The following CACNA1B variants were observed in gnomAD, a reference collection of about 807,000 sequenced individuals.
The protein encoded by CACNA1B is calcium voltage-gated channel subunit alpha1 B.
A neutral mutation model predicts 247.2 loss-of-function variants in CACNA1B; 70 were observed. The ratio of observed to expected loss-of-function variants is 0.28; its 90% CI spans 0.23 to 0.35. The LOEUF (loss-of-function observed/expected upper bound fraction) is 0.35. CACNA1B is among the 10% of genes least tolerant of loss of function. The pLI, the probability that CACNA1B is intolerant of heterozygous loss-of-function variation, is 1.00. For synonymous variants in CACNA1B, 1,231 were observed against 1,294.4 expected (o/e 0.95, Z 1.05); for missense variants, 2,367 against 3,197.4 (o/e 0.74, Z 6.26).
chr9:137,878,638 A>G (rs910847294), intron 1 of CACNA1B, among the ~76,000 whole-genome samples: 1 of 152,080 alleles, frequency 6.6e-6, no homozygotes, highest in African/African-American at 2.4e-5. Context: ...GATGCGGGCT[A>G]CATGCATGTT....
chr9:137,979,929 A>G (rs1403007860), intron 12 of CACNA1B, among the ~76,000 whole-genome samples: 1 of 152,240 alleles, frequency 6.6e-6, no homozygotes, highest in Non-Finnish European at 1.5e-5. Flanking sequence ...AAGCTGAGCC[A>G]CTGGTCCATA....
intron 6 of CACNA1B, among the ~76,000 whole-genome samples, chr9:137,924,591 T>C (rs1957529849): frequency 6.6e-6 from 1 of 152,238 alleles, no homozygotes; most frequent in Non-Finnish European, 1.5e-5. Context: ...CAGGTTAGAC[T>C]GATTCTTTCC....
At chr9:138,117,055 A>C (rs1034637204) in intron 42 of CACNA1B, among the ~76,000 whole-genome samples, 1 of 152,220 alleles carries the variant, frequency 6.6e-6, no homozygotes, top group African/African-American at 2.4e-5. Context: ...GTGCCACTCA[A>C]CCTGCATGAC....
chr9:138,023,346 G>T lies in CACNA1B; in HGVS notation c.2603G>T (p.Arg868Leu), dbSNP rs1958874199. Residue 868 changes from arginine to leucine, a missense_variant, in exon 19 of 47, where the codon CGA (arginine) becomes CTA (leucine). Physicochemically the swap from Arg to Leu is moderately radical, Grantham distance 102. Transcript: ENST00000371372. ...DKTPAAGDQD[R>L]AEAPKAESGE... ...ACCCCCGCGGCGGGGGACCAGGACC[G>T]AGCAGAGGCCCCGAAGGCGGAGAGC... 8 of 1,448,976 alleles carry T rather than the reference G, an allele frequency of 5.5e-6. No individual in the cohort carries two copies. The highest frequency in any genetic ancestry group is 7.2e-6 in the Non-Finnish European group (8 of 1,109,850). 89.8% of individuals were successfully genotyped at this position (1,448,976 alleles called of 1,614,324 possible). A position where few individuals can be genotyped will look rare whatever the true frequency, so the allele number is the denominator to read the frequency against.
At chr9:137,902,361 C>T (rs1316558940) in intron 3 of CACNA1B, among the ~76,000 whole-genome samples, 1 of 152,168 alleles carries the variant, frequency 6.6e-6, no homozygotes, top group Non-Finnish European at 1.5e-5. Context: ...AACACCCCTC[C>T]TCTCCAAGGC....
At chr9:137,985,284 C>T (rs930370882) in intron 13 of CACNA1B, among the ~76,000 whole-genome samples, 12 of 152,208 alleles carry the variant, frequency 7.9e-5, no homozygotes, top group African/African-American at 2.4e-4. Context: ...AGTTGAGTCC[C>T]GCTGGGTCCA....
rs2133423368 is a variant in CACNA1B, at chr9:138,013,271, G to T, written c.2267+36G>T. 5 of 1,487,480 alleles carry T rather than the reference G, an allele frequency of 3.4e-6. No individual in the cohort carries two copies. The Middle Eastern group carries it at 6.7e-4, about 199-fold the overall frequency. The allele number at this position is 1,487,480 out of a possible 1,614,324, so 92.1% of individuals were successfully genotyped here. A position where few individuals can be genotyped will look rare whatever the true frequency, so the allele number is the denominator to read the frequency against. On this transcript the variant is annotated intron_variant, in intron 18 of 46. Transcript: ENST00000371372. ...TAGGAGTGGATTGTGGGGTGGCAGT[G>T]GGGCTGCTGCAGGGTCCCATGGCTG...
chr9:138,021,222 A>G (rs1208564041), intron 18 of CACNA1B, among the ~76,000 whole-genome samples: 1 of 152,180 alleles, frequency 6.6e-6, no homozygotes, highest in Non-Finnish European at 1.5e-5. Context: ...CAGGGGCAGC[A>G]CAGTTTAAAT....
intron 15 of CACNA1B, among the ~76,000 whole-genome samples, chr9:137,992,318 C>T (rs1377049496): frequency 3.3e-5 from 5 of 152,096 alleles, no homozygotes; most frequent in Non-Finnish European, 7.4e-5. Flanking sequence ...GACTTTAGAG[C>T]AACAGCACTT....
intron 3 of CACNA1B, chr9:137,892,564 C>T (rs984844352): frequency 8.3e-6 from 3 of 360,686 alleles, no homozygotes; most frequent in South Asian, 6.2e-5. Context: ...GACAACACAG[C>T]TGCACTGGAG....
intron 10 of CACNA1B, among the ~76,000 whole-genome samples, chr9:137,968,710 A>AT (rs1958110647): frequency 6.6e-6 from 1 of 152,190 alleles, no homozygotes; most frequent in African/African-American, 2.4e-5. Flanking sequence ...ATTTGTACAC[A>AT]TTTTTTGAAC....
At chr9:138,094,451 A>G (rs1170708543) in intron 36 of CACNA1B, among the ~76,000 whole-genome samples, 1 of 145,070 alleles carries the variant, frequency 6.9e-6, no homozygotes, top group South Asian at 2.3e-4. Context: ...GTAAAAAAAA[A>G]AAAAAAAAGA....
Position 137,988,161 on chromosome 9 carries a change from A to G in CACNA1B, c.1974+1307A>G, listed in dbSNP as rs562245312. ...CAGGACCTATGTCAGCCTCTGGGAC[A>G]GAGGTGGGTGGTCTCCCAGCCACAC... On this transcript the variant is annotated intron_variant, in intron 15 of 46. Transcript: ENST00000371372. Among the ~76,000 whole-genome samples the G allele has an allele frequency of 2.6e-4, 40 of 152,322 alleles. No individual in the cohort carries two copies. The South Asian group carries it at 8.1e-3, about 31-fold the overall frequency.
At chr9:138,086,417 T>A (rs1363432498) in intron 36 of CACNA1B, among the ~76,000 whole-genome samples, 1 of 151,104 alleles carries the variant, frequency 6.6e-6, no homozygotes, top group Non-Finnish European at 1.5e-5. Flanking sequence ...CCCAGCAACT[T>A]GGGAGGCTGA....
chr9:138,117,862 C>A (rs949884945), intron 42 of CACNA1B, 84 bp from the exon 43 acceptor site: 11 of 1,109,680 alleles, frequency 9.9e-6, no homozygotes, highest in Non-Finnish European at 1.4e-5. Context: ...GTTGGAGACG[C>A]CTGGCAGGTT....
rs1958184843 is a variant in CACNA1B, at chr9:137,973,788, G to A, written c.1544-2119G>A. On this transcript the variant is annotated intron_variant, in intron 11 of 46. Transcript: ENST00000371372. This position sits in a 1 kb window ranked among gnomAD's most constrained non-coding sequence, Gnocchi z 4.1. ...GCCTCAGAGTGGAGGCTGAGTATGT[G>A]AGGCTGAGGGCCTCTGTTCCTAGGG... is the stretch of plus-strand genomic sequence containing the variant. Among the ~76,000 whole-genome samples, 1 of 152,192 alleles carries A rather than the reference G, an allele frequency of 6.6e-6. No individual in the cohort carries two copies.
intron 10 of CACNA1B, among the ~76,000 whole-genome samples, chr9:137,964,505 T>C (rs1197311842): frequency 6.6e-6 from 1 of 152,220 alleles, no homozygotes; most frequent in Non-Finnish European, 1.5e-5. Flanking sequence ...TGTGATTGCA[T>C]TGTGAAGTTC....
chr9:138,078,844 G>A (rs888023264), intron 36 of CACNA1B, among the ~76,000 whole-genome samples: 15 of 152,186 alleles, frequency 9.9e-5, no homozygotes, highest in Non-Finnish European at 1.6e-4. Context: ...GAGCTGGCAC[G>A]ATTGATGATG....
rs571466425 is a variant in CACNA1B at position 138,012,585 on chromosome 9, G to C, written c.2161-544G>C. On this transcript the variant is annotated intron_variant, in intron 17 of 46. Transcript: ENST00000371372. The surrounding 1 kb of genome is among the most constrained non-coding windows in gnomAD (Gnocchi z 4.2). The stretch of plus-strand genomic sequence containing the variant: ...AAAATTTAGCCAGTCGTGATGACAC[G>C]TGCTTGGAGTCCCAGCTGCATGGGA... 2.0e-5 allele frequency among the ~76,000 whole-genome samples: 3 copies of C among 151,982 alleles called. No individual in the cohort carries two copies. Among genetic ancestry groups the C allele is most frequent in the Non-Finnish European group, 2.9e-5 (2 of 67,998 alleles).
Sources: allele counts gnomAD v4.1 joint callset (sites outside exome capture counted in the v4.1 genomes callset), GRCh38; gene constraint gnomAD v4.1.1; non-coding constraint Gnocchi (gnomAD v3.1); transcripts MANE v1.5; gene names NCBI Gene and HGNC (gene_info 2026-07-23, HGNC 2026-07-21).